Variants in DDX50 observed in about 807,000 individuals in gnomAD.
DDX50 encodes the protein DExD-box helicase 50.
DDX50 carries 56 observed loss-of-function variants against 94.8 expected under a neutral mutation model. The observed-to-expected ratio is 0.59, with a 90% CI of 0.48 to 0.74. The LOEUF (loss-of-function observed/expected upper bound fraction) is 0.74, where lower values mean the gene tolerates loss of function less well. Among genes scored for constraint, DDX50 ranks in the 30% least tolerant of loss-of-function variants. DDX50 has a pLI of 0.00. For missense variants in DDX50, 713 were observed against 881.2 expected (o/e 0.81, Z 2.42); for synonymous variants, 264 against 295.4 (o/e 0.89, Z 1.09).
chr10:68,940,479 G>A (rs1842530229), intron 12 of DDX50, among the ~76,000 whole-genome samples: 1 of 151,842 alleles, frequency 6.6e-6, no homozygotes, highest in Admixed American at 6.6e-5. Flanking sequence ...GAGTGCAGTG[G>A]TGCAATCTCG....
In DDX50 at chr10:68,913,282, G is replaced by A. The variant is rs1841685196; in HGVS notation, c.757+3G>A. ...TGGAACATCATATCAAAGCCAAAGT[G>A]AGTAAATATGTTTGATAGACGTGCA... is the stretch of plus-strand genomic sequence containing the variant. On this transcript the variant is annotated splice_donor_region_variant and intron_variant, in intron 5 of 14. Coordinates refer to ENST00000373585, the MANE Select transcript of DDX50 (RefSeq NM_024045.2). 8 of 1,609,816 alleles carry A rather than the reference G, an allele frequency of 5.0e-6. No homozygotes were observed. Among genetic ancestry groups the A allele is most frequent in the Non-Finnish European group, 5.1e-6 (6 of 1,178,918 alleles).
intron 12 of DDX50, among the ~76,000 whole-genome samples, chr10:68,938,817 A>G (rs1842486424): frequency 6.6e-6 from 1 of 152,158 alleles, no homozygotes; most frequent in Non-Finnish European, 1.5e-5. Flanking sequence ...TAAGTTTTAC[A>G]TGTTACATTT....
Position 68,946,349 on chromosome 10 carries a change from C to A in DDX50, c.1936-3C>A, listed in dbSNP as rs778076137. The A allele has an allele frequency of 6.2e-7, 1 of 1,602,580 alleles. No homozygotes were observed. On this transcript the variant is annotated splice_region_variant and splice_polypyrimidine_tract_variant and intron_variant, in intron 14 of 14. Coordinates refer to ENST00000373585, the MANE Select transcript of DDX50 (RefSeq NM_024045.2). ...ATATTAATCCTGTAAATTCCCCTAA[C>A]AGGCAGAGTGGCATGATTCCGACTG...
intron 8 of DDX50, among the ~76,000 whole-genome samples, chr10:68,931,448 A>G (rs1227778336): frequency 9.0e-5 from 3 of 33,222 alleles, no homozygotes; most frequent in Non-Finnish European, 1.3e-4. Context: ...CACACACACA[A>G]TTTTTTTTTT....
At chr10:68,901,859 T>C (rs1055384574) in intron 1 of DDX50, among the ~76,000 whole-genome samples, 12 of 152,196 alleles carry the variant, frequency 7.9e-5, no homozygotes, top group Non-Finnish European at 1.3e-4. Flanking sequence ...TGAATATGTG[T>C]TGCTTCTGTC....
Position 68,934,443 on chromosome 10 carries a change from G to GA in DDX50, c.1401+88dup. On this transcript the variant is annotated intron_variant, in intron 9 of 14. Transcript: ENST00000373585. This position sits in a 1 kb window ranked among gnomAD's most constrained non-coding sequence, Gnocchi z 4.0. Reference sequence around the variant, plus strand: ...ATTTACAACATATTGCTTGGGATGTGAAAAATATGTCATCTCTTCTTGCTC... The same window carrying GA: ...ATTTACAACATATTGCTTGGGATGTGAAAAAATATGTCATCTCTTCTTGCTC... 6.4e-7 allele frequency: 1 copy of GA among 1,557,256 alleles called. No homozygotes were observed.
intron 8 of DDX50, among the ~76,000 whole-genome samples, chr10:68,924,800 T>TG (rs1842037724): frequency 6.6e-6 from 1 of 152,160 alleles, no homozygotes. Context: ...CTCCTCAGTA[T>TG]GGGGCTTTGT....
chr10:68,925,095 G>GGT (rs1842047356), intron 8 of DDX50, among the ~76,000 whole-genome samples: 1 of 28,562 alleles, frequency 3.5e-5, no homozygotes, highest in African/African-American at 1.1e-4. Flanking sequence ...CCTGCTCATG[G>GGT]TTTTTTTTTT....
In DDX50 at chr10:68,906,878, C is replaced by G. The variant is rs1325648410; in HGVS notation, c.255C>G (p.Phe85Leu). ...EEGFNRLSDE[F>L]SKSHKSRRKD... ...GATTTAATAGACTTTCAGATGAATT[C>G]TCCAAATCTCATAAGTCAAGAAGAA... Residue 85 changes from phenylalanine (F) to leucine (L), a missense_variant, in exon 2 of 15, where the codon TTC becomes TTG. This residue lies in a region of DDX50 where 285 missense variants were observed against 278.9 expected (regional missense o/e 1.02). Transcript: ENST00000373585. The G allele has an allele frequency of 6.2e-7, 1 of 1,611,466 alleles. No homozygotes were observed. Among genetic ancestry groups the G allele is most frequent in the Non-Finnish European group, 8.5e-7 (1 of 1,179,530 alleles).
chr10:68,932,312 T>A (rs568865748), intron 8 of DDX50, among the ~76,000 whole-genome samples: 2 of 152,302 alleles, frequency 1.3e-5, no homozygotes, highest in East Asian at 3.9e-4. Context: ...CAGGCTAGAG[T>A]GCAGTGGAGC....
At chr10:68,929,419 T>G (rs1323391870) in intron 8 of DDX50, among the ~76,000 whole-genome samples, 1 of 150,938 alleles carries the variant, frequency 6.6e-6, no homozygotes, top group Non-Finnish European at 1.5e-5. Context: ...TTCCTTTCTT[T>G]CCTTCTTTTC....
Position 68,919,988 on chromosome 10 carries a change from C to CT in DDX50, c.1239+14dup. On this transcript the variant is annotated splice_region_variant and intron_variant, in intron 8 of 14. Transcript: ENST00000373585. ...GAATCCACACATAAAACAGGTAAGT[C>CT]TTTTTTTCATGCTTTCTCTAATTGA... 1.2e-6 allele frequency: 2 copies of CT among 1,612,808 alleles called. No homozygotes were observed. Among genetic ancestry groups the CT allele is most frequent in the Non-Finnish European group, 1.7e-6 (2 of 1,179,700 alleles).
In DDX50 at chr10:68,928,958, C is replaced by CT. The variant is rs1036055390; in HGVS notation, c.1240-5232dup. On this transcript the variant is annotated intron_variant, in intron 8 of 14. Transcript: ENST00000373585. ...GTCCCATTTATTTCTTTTTTCTTTT[C>CT]TTTTTTTTTGAGACGGAGTCTTGCT... Among the ~76,000 whole-genome samples, 9 of 151,400 alleles carry CT rather than the reference C, an allele frequency of 5.9e-5. No individual in the cohort carries two copies. The East Asian group carries it at 7.7e-4, about 13-fold the overall frequency.
chr10:68,941,771 C>G (rs1842559265), intron 13 of DDX50, among the ~76,000 whole-genome samples: 2 of 152,080 alleles, frequency 1.3e-5, no homozygotes, highest in Non-Finnish European at 2.9e-5. Flanking sequence ...TCCTGAGTAG[C>G]TGAGATTACA....
chr10:68,910,903 T>C (rs1841607505), intron 3 of DDX50, among the ~76,000 whole-genome samples, 165 bp from the exon 4 acceptor site: 1 of 152,234 alleles, frequency 6.6e-6, no homozygotes. Flanking sequence ...GTCAAAAGTT[T>C]AGACTAATTT....
rs762522177 is a variant in DDX50, at chr10:68,911,171, A to G, written c.564A>G (p.Thr188=). 6.2e-6 allele frequency: 10 copies of G among 1,612,956 alleles called. No individual in the cohort carries two copies. The highest frequency in any genetic ancestry group is 8.5e-6 in the Non-Finnish European group (10 of 1,179,532). The change falls in exon 4 of 15, where the codon ACA becomes ACG. Residue 188 remains threonine (T), a synonymous_variant. Transcript: ENST00000373585. ...IAQARTGTGK[T]FSFAIPLIER... The stretch of plus-strand genomic sequence containing the variant: ...AAGCACGGACAGGAACAGGAAAGAC[A>G]TTCTCTTTTGCCATCCCCTTAATTG...
intron 2 of DDX50, among the ~76,000 whole-genome samples, chr10:68,909,945 A>G (rs1384413029): frequency 1.3e-5 from 2 of 152,168 alleles, no homozygotes; most frequent in African/African-American, 4.8e-5. Flanking sequence ...TACGGGCATG[A>G]GCCACCGCAC....
chr10:68,919,582 T>C (rs1232840600), intron 7 of DDX50, among the ~76,000 whole-genome samples: 2 of 152,202 alleles, frequency 1.3e-5, no homozygotes, highest in African/African-American at 2.4e-5. Flanking sequence ...TATTGTTCCA[T>C]GTATATCAGT....
chr10:68,931,181 A>T (rs1190753470), intron 8 of DDX50, among the ~76,000 whole-genome samples: 1 of 151,810 alleles, frequency 6.6e-6, no homozygotes, highest in Non-Finnish European at 1.5e-5. Flanking sequence ...CCAGGATATA[A>T]AGACTATGAG....
Sources: gnomAD v4.1 joint callset for allele counts (sites outside exome capture counted in the v4.1 genomes callset) on GRCh38, gnomAD v4.1.1 for gene constraint, gnomAD v4.1.1 regional missense constraint, Gnocchi (gnomAD v3.1) non-coding constraint, MANE v1.5 for transcripts, NCBI Gene and HGNC (gene_info 2026-07-23, HGNC 2026-07-21) for gene names.